FOXP1: variants seen among roughly 807,000 people sequenced by gnomAD.
FOXP1 encodes forkhead box P1.
A neutral mutation model predicts 98.2 loss-of-function variants in FOXP1; 15 were observed. The ratio of observed to expected loss-of-function variants is 0.15; its 90% CI spans 0.10 to 0.24. The LOEUF is 0.24. Among genes scored for constraint, FOXP1 ranks in the 10% least tolerant of loss-of-function variants. FOXP1 has a pLI of 1.00. For synonymous variants in FOXP1, 371 were observed against 314.5 expected (o/e 1.18, Z -1.90); for missense variants, 633 against 848.5 (o/e 0.75, Z 3.15).
At chr3:71,577,416 T>C (rs374540408) in intron 2 of FOXP1, among the ~76,000 whole-genome samples, 3 of 151,870 alleles carry the variant, frequency 2.0e-5, no homozygotes, top group South Asian at 2.1e-4. Context: ...CACATGCTCA[T>C]TGAAATAAAC....
intron 4 of FOXP1, among the ~76,000 whole-genome samples, chr3:71,350,834 G>C (rs937340761): frequency 8.5e-5 from 13 of 152,108 alleles, no homozygotes; most frequent in African/African-American, 2.9e-4. Context: ...CCAGAGTTCT[G>C]TCTCCTTCTG....
intron 2 of FOXP1, among the ~76,000 whole-genome samples, chr3:71,575,206 T>G (rs561078495): frequency 1.2e-4 from 19 of 152,102 alleles, no homozygotes; most frequent in Non-Finnish European, 2.6e-4. Flanking sequence ...TCATTCGTAA[T>G]AAAAATCCAA....
chr3:71,355,561 T>C (rs567045392), intron 4 of FOXP1, among the ~76,000 whole-genome samples: 5 of 152,162 alleles, frequency 3.3e-5, no homozygotes, highest in African/African-American at 1.2e-4. Flanking sequence ...TTTTATGACA[T>C]CTGAGAAGAG....
intron 2 of FOXP1, among the ~76,000 whole-genome samples, chr3:71,532,278 G>A (rs1178961793): frequency 6.6e-6 from 1 of 152,092 alleles, no homozygotes; most frequent in Non-Finnish European, 1.5e-5. Flanking sequence ...TGTATTTTTT[G>A]TAGAGACGGG....
intron 3 of FOXP1, among the ~76,000 whole-genome samples, chr3:71,462,783 G>T (rs952497729): frequency 2.6e-5 from 4 of 152,156 alleles, no homozygotes; most frequent in Non-Finnish European, 5.9e-5. Context: ...TTTTTTATTT[G>T]TGTGTGATGT....
intron 5 of FOXP1, among the ~76,000 whole-genome samples, chr3:71,211,826 A>T (rs2064491083): frequency 6.6e-6 from 1 of 152,132 alleles, no homozygotes; most frequent in South Asian, 2.1e-4. Context: ...TTCTGTCTTC[A>T]TTATTTTCAC....
At position 71,413,290 on chromosome 3, in the gene FOXP1, A is replaced by ACC. The variant is rs1553876158; in HGVS notation, c.-167-54048_-167-54047dup. ...CACACACACACACACACACACACAC[A>ACC]CCCAAAACAGCCAACCAGTATGGAA... On this transcript the variant is annotated intron_variant, in intron 3 of 20. Coordinates refer to ENST00000649528, the MANE Select transcript of FOXP1 (RefSeq NM_001349338.3). 6.0e-3 allele frequency among the ~76,000 whole-genome samples: 838 copies of ACC among 138,592 alleles called. 12 individuals are homozygous for ACC. Among genetic ancestry groups the ACC allele is most frequent in the African/African-American group, 0.02 (746 of 36,926 alleles). 90.9% of individuals were successfully genotyped at this position (138,592 alleles called of 152,430 possible).
chr3:71,266,638 T>C (rs2069695215), intron 5 of FOXP1, among the ~76,000 whole-genome samples: 2 of 152,220 alleles, frequency 1.3e-5, no homozygotes, highest in Admixed American at 1.3e-4. Context: ...CATAGATTTA[T>C]TGCATAATGC....
chr3:71,218,731 A>T (rs1208561336), intron 5 of FOXP1, among the ~76,000 whole-genome samples: 1 of 152,128 alleles, frequency 6.6e-6, no homozygotes, highest in Non-Finnish European at 1.5e-5. Flanking sequence ...TTCCAATAAA[A>T]CTTTATTTAC....
chr3:70,985,840 G>A (rs1006057387), intron 14 of FOXP1, among the ~76,000 whole-genome samples: 26 of 152,266 alleles, frequency 1.7e-4, no homozygotes, highest in African/African-American at 6.3e-4. Context: ...TGCTCTAGCT[G>A]TCAAAGGTTT....
At chr3:71,285,586 T>G (rs1445785489) in intron 5 of FOXP1, among the ~76,000 whole-genome samples, 2 of 152,174 alleles carry the variant, frequency 1.3e-5, no homozygotes, top group East Asian at 3.9e-4. Context: ...TAAATTCCCT[T>G]AACATAGCTT....
At chr3:71,104,396 C>G (rs2057252887) in intron 7 of FOXP1, among the ~76,000 whole-genome samples, 1 of 152,130 alleles carries the variant, frequency 6.6e-6, no homozygotes, top group African/African-American at 2.4e-5. Flanking sequence ...AAGAAGCCGC[C>G]CTTCTGCTGC....
chr3:71,463,509 A>G (rs2108550429), intron 3 of FOXP1, among the ~76,000 whole-genome samples: 1 of 152,250 alleles, frequency 6.6e-6, no homozygotes, highest in South Asian at 2.1e-4. Context: ...AAGGAGCTGT[A>G]TGCAACAGGC....
intron 11 of FOXP1, chr3:71,040,457 T>C (rs1046570574): frequency 6.6e-6 from 1 of 152,172 alleles, no homozygotes; most frequent in Non-Finnish European, 1.5e-5. Flanking sequence ...GTTTTCAATT[T>C]TAGGGGCATT....
intron 6 of FOXP1, among the ~76,000 whole-genome samples, chr3:71,141,177 A>T (rs563685567): frequency 7.3e-5 from 11 of 151,498 alleles, no homozygotes; most frequent in African/African-American, 2.7e-4. Flanking sequence ...CTGAGGCAGG[A>T]CAATCAGTTG....
chr3:71,129,344 A>C (rs2059423290), intron 6 of FOXP1, among the ~76,000 whole-genome samples: 1 of 152,226 alleles, frequency 6.6e-6, no homozygotes, highest in Admixed American at 6.5e-5. Flanking sequence ...CGATAGCAAT[A>C]CACACACATG....
At chr3:71,153,309 G>C (rs1195199329) in intron 6 of FOXP1, among the ~76,000 whole-genome samples, 3 of 152,136 alleles carry the variant, frequency 2.0e-5, no homozygotes, top group African/African-American at 7.2e-5. Context: ...TTACTAGAAT[G>C]CTGTCGCTGC....
intron 12 of FOXP1, among the ~76,000 whole-genome samples, chr3:71,009,119 T>TAC (rs2043179866): frequency 8.6e-6 from 1 of 115,608 alleles, no homozygotes; most frequent in Non-Finnish European, 1.6e-5. Flanking sequence ...ATCAAGGAAG[T>TAC]ACAGCAACCA....
At chr3:71,520,139 G>A (rs144193529) in intron 2 of FOXP1, among the ~76,000 whole-genome samples, 3 of 152,134 alleles carry the variant, frequency 2.0e-5, no homozygotes, top group African/African-American at 7.2e-5. Flanking sequence ...AATTATCTTG[G>A]GACATTTCTT....
Sources: gnomAD v4.1 joint callset for allele counts (sites outside exome capture counted in the v4.1 genomes callset) on GRCh38, gnomAD v4.1.1 for gene constraint, MANE v1.5 for transcripts, NCBI Gene and HGNC (gene_info 2026-07-23, HGNC 2026-07-21) for gene names.